PIGZ: variants seen among roughly 807,000 people sequenced by gnomAD.
The protein encoded by PIGZ is phosphatidylinositol glycan anchor biosynthesis class Z (Gwada blood group).
Under a neutral mutation model 16.4 loss-of-function variants are expected in PIGZ, and 16 were observed. That is an observed-to-expected ratio of 0.97 (90% CI 0.66 to 1.48). The LOEUF is 1.48. Among genes scored for constraint, PIGZ ranks in the 40% most tolerant of loss-of-function variants. The probability of loss-of-function intolerance (pLI) is 0.00; values close to 1 mark genes in which losing one functional copy is unlikely to be tolerated. For missense variants in PIGZ, 770 were observed against 739.2 expected (o/e 1.04, Z -0.48); for synonymous variants, 409 against 338.4 (o/e 1.21, Z -2.29).
rs73891601 is a variant in PIGZ, at chr3:196,949,633, G to A, written c.212-948C>T. On this transcript the variant is annotated intron_variant, in intron 2 of 2. Transcript: ENST00000412723. ...TGGACAGAACTGTGAACTCACAGACGGGTGCAGTTTGAGCTGCTCGTAGGA... is the reference window on the plus strand; with the variant it reads ...TGGACAGAACTGTGAACTCACAGACAGGTGCAGTTTGAGCTGCTCGTAGGA... Among the ~76,000 whole-genome samples the A allele has an allele frequency of 1.8e-3, 275 of 152,324 alleles. 1 individual carries two copies. The highest frequency in any genetic ancestry group is 6.3e-3 in the African/African-American group (262 of 41,570).
In PIGZ at chr3:196,948,048, G is replaced by C. The variant is rs553144653; in HGVS notation, c.849C>G (p.Pro283=). ...VATDSWYFSS[P]ATSRNLVLTP... ...TCAGGACAAGGTTCCTGGATGTAGCGGGGCTGGAGAAATACCAGCTGTCCG... is the reference window on the plus strand; with the variant it reads ...TCAGGACAAGGTTCCTGGATGTAGCCGGGCTGGAGAAATACCAGCTGTCCG... The change falls in exon 3 of 3, where the codon CCC becomes CCG. Residue 283 remains proline, a synonymous_variant. Coordinates refer to ENST00000412723, the MANE Select transcript of PIGZ (RefSeq NM_025163.4). 1 of 1,588,664 alleles carries C rather than the reference G, an allele frequency of 6.3e-7. No individual in the cohort carries two copies. The highest frequency in any genetic ancestry group is 8.6e-7 in the Non-Finnish European group (1 of 1,164,580).
intron 1 of PIGZ, among the ~76,000 whole-genome samples, chr3:196,958,416 A>AGGTC (rs1220915535): frequency 2.0e-5 from 3 of 152,226 alleles, no homozygotes; most frequent in African/African-American, 4.8e-5. Flanking sequence ...GGATCACCTG[A>AGGTC]GGTCAGGAGT....
At chr3:196,950,015 T>C (rs1477775067) in intron 2 of PIGZ, among the ~76,000 whole-genome samples, 1 of 152,160 alleles carries the variant, frequency 6.6e-6, no homozygotes, top group East Asian at 1.9e-4. Context: ...AGACAGAGTC[T>C]CACTCTGTCA....
intron 1 of PIGZ, among the ~76,000 whole-genome samples, chr3:196,952,752 T>C (rs537161130): frequency 6.6e-6 from 1 of 152,266 alleles, no homozygotes; most frequent in Admixed American, 6.5e-5. Context: ...AGCCTTTGAA[T>C]TGGTAGACTA....
intron 1 of PIGZ, among the ~76,000 whole-genome samples, chr3:196,953,902 A>G (rs1169357380): frequency 6.6e-6 from 1 of 151,932 alleles, no homozygotes. Context: ...CTGAGACAAG[A>G]GGATCACTTG....
chr3:196,967,803 AACAC>A (rs767323252), intron 1 of PIGZ, among the ~76,000 whole-genome samples: 17 of 152,114 alleles, frequency 1.1e-4, no homozygotes, highest in Non-Finnish European at 2.2e-4. Context: ...CACAACATTA[AACAC>A]ACATAGAGAG....
At chr3:196,956,906 C>T (rs1212343) in intron 1 of PIGZ, among the ~76,000 whole-genome samples, 108,597 of 152,124 alleles carry the variant, frequency 0.71, 39,011 homozygotes, top group East Asian at 0.81. Context: ...TTGATAACTC[C>T]AGCATCTAAA....
At chr3:196,952,595 G>A (rs999588142) in intron 1 of PIGZ, among the ~76,000 whole-genome samples, 9 of 152,088 alleles carry the variant, frequency 5.9e-5, no homozygotes, top group African/African-American at 2.2e-4. Context: ...ACGCCACTAC[G>A]CCCGGCTAAT....
At chr3:196,949,287 T>C (rs745738) in intron 2 of PIGZ, among the ~76,000 whole-genome samples, 55,943 of 151,582 alleles carry the variant, frequency 0.37, 11,508 homozygotes, top group East Asian at 0.83. Context: ...GACTGTAAAA[T>C]AGGGAGACTA....
chr3:196,957,965 A>G (rs1350351600), intron 1 of PIGZ, among the ~76,000 whole-genome samples: 1 of 152,222 alleles, frequency 6.6e-6, no homozygotes, highest in Admixed American at 6.5e-5. Flanking sequence ...GGCATGCAAT[A>G]TAGAGGCCTG....
chr3:196,961,004 A>G (rs1183611663), intron 1 of PIGZ, among the ~76,000 whole-genome samples: 1 of 152,206 alleles, frequency 6.6e-6, no homozygotes, highest in African/African-American at 2.4e-5. Flanking sequence ...AGACATGTGG[A>G]AGGTGGAAGT....
rs1488634940 is a variant in PIGZ, at chr3:196,948,183, G to C, written c.714C>G (p.Leu238=). ...PTFLAFAVVP[L]YLWGTRGATN... is the part of the protein sequence containing the mutation. The stretch of plus-strand genomic sequence containing the variant: ...TGGCTCCACGAGTGCCCCAGAGGTA[G>C]AGGGGGACCACAGCAAAGGCCAGAA... Residue 238 remains leucine, a synonymous_variant, in exon 3 of 3, where the codon CTC becomes CTG. Transcript: ENST00000412723. The C allele has an allele frequency of 8.1e-6, 13 of 1,614,130 alleles. No individual in the cohort carries two copies. Among genetic ancestry groups the C allele is most frequent in the Non-Finnish European group, 1.1e-5 (13 of 1,179,982 alleles).
chr3:196,947,513 AGAG>A lies in PIGZ; in HGVS notation c.1381_1383del (p.Leu461del). The A allele has an allele frequency of 1.9e-6, 3 of 1,613,690 alleles. No homozygotes were observed. The highest frequency in any genetic ancestry group is 2.5e-6 in the Non-Finnish European group (3 of 1,179,996). Reference sequence around the variant, plus strand: ...CGGGGGGGCATGTAGGTGTGAGTGAAGAGGAGTGTGTAGTGGGTGGGTGTGCTT... The same window carrying A: ...CGGGGGGGCATGTAGGTGTGAGTGAAGAGTGTGTAGTGGGTGGGTGTGCTT... On this transcript the variant is annotated inframe_deletion, in exon 3 of 3. Transcript: ENST00000412723.
rs551110168 is a variant in PIGZ at position 196,966,591 on chromosome 3, A to C, written c.-1+2096T>G. Among the ~76,000 whole-genome samples, 54 of 152,338 alleles carry C rather than the reference A, an allele frequency of 3.5e-4. 1 individual carries two copies. In the South Asian group the frequency reaches 7.7e-3, roughly 22 times the overall value. On this transcript the variant is annotated intron_variant, in intron 1 of 2. Coordinates refer to ENST00000412723, the MANE Select transcript of PIGZ (RefSeq NM_025163.4). ...GCCCATCTGTCAAGGACAGAGCAGG[A>C]GGTCCTCCGGAGAAGGTGACAACGT...
At position 196,956,874 on chromosome 3, in the gene PIGZ, ATAC is replaced by A. The variant is rs561752440; in HGVS notation, c.1-4846_1-4844del. ...TTTTATTTATTAAATGATATCAAAC[ATAC>A]TTGTTGGATATACTAGGTTTGATAA... On this transcript the variant is annotated intron_variant, in intron 1 of 2. Transcript: ENST00000412723. 3.0e-4 allele frequency among the ~76,000 whole-genome samples: 46 copies of A among 152,344 alleles called. 2 individuals are homozygous for A. In the South Asian group the frequency reaches 9.1e-3, roughly 30 times the overall value.
rs184607600 is a variant in PIGZ, at chr3:196,951,129, T to C, written c.211+692A>G. Among the ~76,000 whole-genome samples the C allele has an allele frequency of 6.6e-5, 10 of 152,350 alleles. No individual in the cohort carries two copies. In the East Asian group the frequency reaches 1.7e-3, roughly 26 times the overall value. On this transcript the variant is annotated intron_variant, in intron 2 of 2. Transcript: ENST00000412723. Reference sequence around the variant, plus strand: ...TTTGCAGCTAGGTGTGGCCTCATGATACATTCTGCCCAGTGTGATAGAAAT... The same window carrying C: ...TTTGCAGCTAGGTGTGGCCTCATGACACATTCTGCCCAGTGTGATAGAAAT...
At chr3:196,964,074 G>A (rs1009258769) in intron 1 of PIGZ, among the ~76,000 whole-genome samples, 14 of 137,696 alleles carry the variant, frequency 1.0e-4, no homozygotes, top group South Asian at 2.2e-4. Flanking sequence ...ATTTTGAGAC[G>A]GAGTCTCACT....
intron 1 of PIGZ, among the ~76,000 whole-genome samples, chr3:196,964,044 T>TTATTTATTTATTTATTTATTTA (rs10650839): frequency 7.9e-5 from 12 of 151,252 alleles, no homozygotes; most frequent in African/African-American, 2.0e-4. Context: ...TTATTTTTAT[T>TTATTTATTTATTTATTTATTTA]TTTATTTATT....
In PIGZ at chr3:196,948,329, C is replaced by G; in HGVS notation, c.568G>C (p.Val190Leu). 6.2e-7 allele frequency: 1 copy of G among 1,614,172 alleles called. No individual in the cohort carries two copies. The highest frequency in any genetic ancestry group is 2.2e-5 in the East Asian group (1 of 44,878). The change falls in exon 3 of 3, where the codon GTG becomes CTG. Residue 190 changes from valine to leucine, a missense_variant. Val to Leu is a conservative substitution (Grantham distance 32). Coordinates refer to ENST00000412723, the MANE Select transcript of PIGZ (RefSeq NM_025163.4). ...IEGLLFTWLL[V>L]LVSSHVTWGP... ...CACGTTACATGGGAGGATACCAGCACCAGCAGCCACGTGAAGAGGAGTCCC... is the reference window on the plus strand; with the variant it reads ...CACGTTACATGGGAGGATACCAGCAGCAGCAGCCACGTGAAGAGGAGTCCC...
Sources: allele counts gnomAD v4.1 joint callset (sites outside exome capture counted in the v4.1 genomes callset), GRCh38; gene constraint gnomAD v4.1.1; transcripts MANE v1.5; gene names NCBI Gene and HGNC (gene_info 2026-07-23, HGNC 2026-07-21).